CUL5: variants seen among roughly 807,000 people sequenced by gnomAD.
The protein encoded by CUL5 is cullin-5.
A neutral mutation model predicts 108.8 loss-of-function variants in CUL5; 26 were observed. The ratio of observed to expected loss-of-function variants is 0.24; its 90% CI spans 0.18 to 0.33. The LOEUF (loss-of-function observed/expected upper bound fraction) is 0.33, where lower values mean the gene tolerates loss of function less well. Among genes scored for constraint, CUL5 ranks in the 10% least tolerant of loss-of-function variants. CUL5 has a pLI of 1.00. For missense variants in CUL5, 524 were observed against 909.2 expected (o/e 0.58, Z 5.45); for synonymous variants, 334 against 298.0 (o/e 1.12, Z -1.25).
chr11:108,035,913 A>C (rs1239806645), intron 2 of CUL5, among the ~76,000 whole-genome samples: 1 of 152,180 alleles, frequency 6.6e-6, no homozygotes, highest in African/African-American at 2.4e-5. Context: ...TCAGGATTCC[A>C]AAACAGTTAG....
intron 1 of CUL5, among the ~76,000 whole-genome samples, chr11:108,016,463 A>G (rs1487774091): frequency 6.6e-6 from 1 of 152,084 alleles, no homozygotes; most frequent in African/African-American, 2.4e-5. Flanking sequence ...CATGTTGTCC[A>G]GGCTAGTCTG....
At chr11:108,056,474 T>C (rs2135144149) in intron 7 of CUL5, among the ~76,000 whole-genome samples, 1 of 152,362 alleles carries the variant, frequency 6.6e-6, no homozygotes, top group East Asian at 1.9e-4. Flanking sequence ...TTTGTTTTGC[T>C]TGTCCTTGAT....
chr11:108,060,662 CCT>C (rs1397469122), intron 7 of CUL5, among the ~76,000 whole-genome samples: 1 of 151,996 alleles, frequency 6.6e-6, no homozygotes, highest in South Asian at 2.1e-4. Flanking sequence ...ATGGTAAAGC[CCT>C]GTTTCTACTA....
Position 108,054,943 on chromosome 11 carries a change from C to T in CUL5, c.768C>T (p.Asn256=). 1.9e-6 allele frequency: 3 copies of T among 1,603,552 alleles called. No homozygotes were observed. Among genetic ancestry groups the T allele is most frequent in the Non-Finnish European group, 2.6e-6 (3 of 1,176,012 alleles). The change falls in exon 7 of 19, where the codon AAC becomes AAT. Residue 256 remains asparagine, a synonymous_variant. Coordinates refer to ENST00000393094, the MANE Select transcript of CUL5 (RefSeq NM_003478.6). ...ATTTAGAAACAAGACGAGAATGTAA[C>T]TCCGTTGAAGCAGTAAGTAATTTTG... is the stretch of plus-strand genomic sequence containing the variant. ...LRYLETRREC[N]SVEALMECCV...
At chr11:108,081,883 A>T (rs1031144913) in intron 11 of CUL5, among the ~76,000 whole-genome samples, 6 of 152,268 alleles carry the variant, frequency 3.9e-5, no homozygotes, top group African/African-American at 1.2e-4. Flanking sequence ...GATAAGCTTT[A>T]AAAGCAAGAT....
At chr11:108,075,210 G>A (rs1401668729) in intron 10 of CUL5, among the ~76,000 whole-genome samples, 2 of 151,158 alleles carry the variant, frequency 1.3e-5, no homozygotes, top group South Asian at 2.1e-4. Context: ...TTTTTTTAAT[G>A]CAAGTAGCTT....
intron 1 of CUL5, among the ~76,000 whole-genome samples, chr11:108,021,192 A>G (rs1862319008): frequency 6.6e-6 from 1 of 152,204 alleles, no homozygotes; most frequent in South Asian, 2.1e-4. Flanking sequence ...TTGCTTAACG[A>G]TGCATTTCTC....
At position 108,025,933 on chromosome 11, in the gene CUL5, C is replaced by T. The variant is rs1322557787; in HGVS notation, c.25-7869C>T. Among the ~76,000 whole-genome samples the T allele has an allele frequency of 2.0e-5, 3 of 152,126 alleles. No individual in the cohort carries two copies. In the East Asian group the frequency reaches 5.8e-4, roughly 29 times the overall value. On this transcript the variant is annotated intron_variant, in intron 1 of 18. Coordinates refer to ENST00000393094, the MANE Select transcript of CUL5 (RefSeq NM_003478.6). ...AGTATGTTTGGACATTTGTAGCGCT[C>T]ACCTCATTTGTTTTTCTTTTCTCAG...
chr11:108,048,648 C>CTTTTTTTGTTTTTTTTTTT (rs1863126660), intron 3 of CUL5, among the ~76,000 whole-genome samples: 1 of 116,870 alleles, frequency 8.6e-6, no homozygotes, highest in African/African-American at 3.9e-5. Flanking sequence ...ACTCCACCAC[C>CTTTTTTTGTTTTTTTTTTT]TTTTTTTTTT....
At chr11:108,010,047 C>T (rs1031289935) in intron 1 of CUL5, among the ~76,000 whole-genome samples, 21 of 152,236 alleles carry the variant, frequency 1.4e-4, no homozygotes, top group Non-Finnish European at 1.9e-4. Flanking sequence ...TTGTCAAAGA[C>T]AGTATTTAAA....
intron 14 of CUL5, 23 bp downstream of exon 14, chr11:108,094,537 A>T: frequency 8.5e-7 from 1 of 1,182,490 alleles, no homozygotes; most frequent in South Asian, 1.6e-5. Flanking sequence ...AATTACATGT[A>T]TATATTTTTT....
At chr11:108,090,755 C>A (rs891089388) in intron 13 of CUL5, among the ~76,000 whole-genome samples, 14 of 152,022 alleles carry the variant, frequency 9.2e-5, no homozygotes, top group Non-Finnish European at 1.9e-4. Flanking sequence ...ATATAACTCT[C>A]TCCACATATA....
intron 2 of CUL5, among the ~76,000 whole-genome samples, chr11:108,041,613 A>G (rs968187602): frequency 1.4e-5 from 2 of 139,520 alleles, no homozygotes; most frequent in African/African-American, 2.7e-5. Context: ...TTTTTTAGAC[A>G]AAGTTTTGCT....
At chr11:108,054,431 T>TAC (rs1313525374) in intron 5 of CUL5, among the ~76,000 whole-genome samples, 1 of 152,236 alleles carries the variant, frequency 6.6e-6, no homozygotes, top group Non-Finnish European at 1.5e-5. Flanking sequence ...GCAAAAATAG[T>TAC]CTATATTATC....
intron 3 of CUL5, among the ~76,000 whole-genome samples, chr11:108,048,070 T>A (rs1283690106): frequency 2.6e-5 from 4 of 152,016 alleles, no homozygotes; most frequent in Non-Finnish European, 4.4e-5. Flanking sequence ...ATGCCAGACA[T>A]GGGTCTTAAA....
At chr11:108,067,540 ATT>A (rs879594771) in intron 7 of CUL5, among the ~76,000 whole-genome samples, 6 of 145,700 alleles carry the variant, frequency 4.1e-5, no homozygotes, top group Admixed American at 6.9e-5. Context: ...TCCTATGTAC[ATT>A]TTTTTTTTTT....
chr11:108,074,650 C>T (rs1318856735), intron 10 of CUL5, among the ~76,000 whole-genome samples: 2 of 151,882 alleles, frequency 1.3e-5, no homozygotes, highest in African/African-American at 2.4e-5. Context: ...ACTAAAAATA[C>T]GAAAAATTAG....
chr11:108,102,451 T>C (rs187165485), intron 18 of CUL5, among the ~76,000 whole-genome samples: 3,022 of 152,282 alleles, frequency 0.02, 60 homozygotes, highest in South Asian at 0.025. Flanking sequence ...CTCAGCCCCC[T>C]GCGTAGCTGG....
At chr11:108,011,913 A>G (rs1449395543) in intron 1 of CUL5, among the ~76,000 whole-genome samples, 1 of 152,234 alleles carries the variant, frequency 6.6e-6, no homozygotes, top group Non-Finnish European at 1.5e-5. Context: ...GGCGTGAGCC[A>G]CCATGTCTAG....
Sources: allele counts gnomAD v4.1 joint callset (sites outside exome capture counted in the v4.1 genomes callset), GRCh38; gene constraint gnomAD v4.1.1; transcripts MANE v1.5; gene names NCBI Gene and HGNC (gene_info 2026-07-23, HGNC 2026-07-21).